The following R3HCC1L variants were observed in gnomAD, a reference collection of about 807,000 sequenced individuals.
R3HCC1L encodes the protein R3H domain and coiled-coil containing 1 like, also known as coiled-coil domain-containing protein R3HCC1L.
Under a neutral mutation model 59.9 loss-of-function variants are expected in R3HCC1L, and 51 were observed. The ratio of observed to expected loss-of-function variants is 0.85; its 90% CI spans 0.68 to 1.07. R3HCC1L has a LOEUF of 1.07. Ranked by LOEUF, R3HCC1L falls within the 50% of genes least tolerant of loss-of-function variation. The probability of loss-of-function intolerance (pLI) is 0.00; values close to 1 mark genes in which losing one functional copy is unlikely to be tolerated. For missense variants in R3HCC1L, 965 were observed against 933.0 expected, an observed-to-expected ratio of 1.03 and a Z score of -0.45; for synonymous variants, 322 against 315.2, an observed-to-expected ratio of 1.02 and a Z score of -0.23.
rs151127984 is a variant in R3HCC1L, at chr10:98,236,129, G to T, written c.2234G>T (p.Arg745Leu). Residue 745 changes from arginine (R) to leucine (L), a missense_variant, in exon 9 of 10, where the codon CGA becomes CTA. Transcript: ENST00000298999. Reference sequence around the variant, plus strand: ...CGAAGTAAGCAGAGCAAAACCGAACGAGAAGCAGAGCTCAAGAAACTGCAA... The same window carrying T: ...CGAAGTAAGCAGAGCAAAACCGAACTAGAAGCAGAGCTCAAGAAACTGCAA... ...GVRSKQSKTE[R>L]EAELKKLQEA... 3.1e-6 allele frequency: 5 copies of T among 1,613,738 alleles called. No individual in the cohort carries two copies. In the African/African-American group the frequency reaches 6.7e-5, roughly 22 times the overall value.
At position 98,222,026 on chromosome 10, in the gene R3HCC1L, C is replaced by T. The variant is rs192042180; in HGVS notation, c.1786-9486C>T. Among the ~76,000 whole-genome samples the T allele has an allele frequency of 3.5e-3, 532 of 152,272 alleles. 1 individual carries two copies. Among genetic ancestry groups the T allele is most frequent in the Non-Finnish European group, 6.0e-3 (409 of 68,026 alleles). On this transcript the variant is annotated intron_variant, in intron 5 of 9. Coordinates refer to ENST00000298999, the MANE Select transcript of R3HCC1L (RefSeq NM_001351015.2). ...CTACCCATGAGCATGGAATGTTCTT[C>T]CATTTGTTTGTATCCTTTTTTATTT... is the stretch of plus-strand genomic sequence containing the variant.
chr10:98,167,021 A>G (rs1027789534), intron 4 of R3HCC1L, among the ~76,000 whole-genome samples: 5 of 152,080 alleles, frequency 3.3e-5, no homozygotes, highest in African/African-American at 1.2e-4. Context: ...TGTGCACTTA[A>G]TAAGTATTTG....
intron 4 of R3HCC1L, among the ~76,000 whole-genome samples, chr10:98,165,842 G>A (rs898421623): frequency 3.3e-5 from 5 of 152,178 alleles, no homozygotes; most frequent in African/African-American, 9.7e-5. Context: ...AGTCATGAAG[G>A]TGGAGCCCTC....
At chr10:98,148,652 TTG>T (rs1203789021) in intron 1 of R3HCC1L, among the ~76,000 whole-genome samples, 2 of 152,232 alleles carry the variant, frequency 1.3e-5, no homozygotes, top group African/African-American at 4.8e-5. Flanking sequence ...ATAGGGTTTT[TTG>T]TTCTTGGTTC....
chr10:98,235,540 GT>G lies in R3HCC1L; in HGVS notation c.2128+27del, dbSNP rs768743558. 27 of 1,573,322 alleles carry G rather than the reference GT, an allele frequency of 1.7e-5. No homozygotes were observed. The Middle Eastern group carries it at 1.0e-3, about 59-fold the overall frequency. ...ATGCTGGTGAGTCTATAATCTCTGG[GT>G]TTTTTTCTTGCTGATGGTGGTATTA... On this transcript the variant is annotated intron_variant, in intron 8 of 9. Transcript: ENST00000298999.
intron 4 of R3HCC1L, among the ~76,000 whole-genome samples, chr10:98,188,185 T>C (rs1175480816): frequency 6.6e-6 from 1 of 152,184 alleles, no homozygotes; most frequent in Non-Finnish European, 1.5e-5. Context: ...TTAACAAACA[T>C]CTTATTGAAT....
rs1157685796 is a variant in R3HCC1L, at chr10:98,209,563, T to G, written c.1449T>G (p.Tyr483Ter). The G allele has an allele frequency of 6.2e-7, 1 of 1,613,944 alleles. No homozygotes were observed. The highest frequency in any genetic ancestry group is 8.5e-7 in the Non-Finnish European group (1 of 1,179,960). ...LPIKKIAGSNYNTFLDSELSM... is the reference protein window; with the variant it reads ...LPIKKIAGSN ...TAAAAAAGATTGCTGGTAGTAATTA[T>G]AACACTTTTTTGGACTCTGAACTCA... is the stretch of plus-strand genomic sequence containing the variant. Residue 483 changes from tyrosine (Y) to a stop codon, truncating the protein, a stop_gained, in exon 5 of 10, where the codon TAT (tyrosine) becomes TAG (stop). Coordinates refer to ENST00000298999, the MANE Select transcript of R3HCC1L (RefSeq NM_001351015.2). LOFTEE classifies it high-confidence loss of function.
intron 1 of R3HCC1L, among the ~76,000 whole-genome samples, chr10:98,149,921 C>T (rs1320161766): frequency 6.6e-6 from 1 of 152,146 alleles, no homozygotes; most frequent in Non-Finnish European, 1.5e-5. Context: ...GTGTTGAAGA[C>T]CCCTATTGTT....
In R3HCC1L at chr10:98,156,118, G is replaced by A. The variant is rs369715671; in HGVS notation, c.-242G>A. On this transcript the variant is annotated 5_prime_UTR_variant, in exon 2 of 10. Coordinates refer to ENST00000298999, the MANE Select transcript of R3HCC1L (RefSeq NM_001351015.2). ...AGACTTCCAGTGTCCTACTATTGAA[G>A]CCTGCACCTGCTGCATTGCTGTTTT... 7.9e-5 allele frequency: 12 copies of A among 151,142 alleles called. No individual in the cohort carries two copies. The East Asian group carries it at 1.4e-3, about 17-fold the overall frequency. The allele number at this position is 151,142 out of a possible 1,614,324, so 9.4% of individuals were successfully genotyped here.
At chr10:98,216,063 T>C (rs902761332) in intron 5 of R3HCC1L, among the ~76,000 whole-genome samples, 1 of 152,208 alleles carries the variant, frequency 6.6e-6, no homozygotes, top group African/African-American at 2.4e-5. Flanking sequence ...ATCAGAAGTT[T>C]AGATGATTTA....
At chr10:98,224,209 A>G (rs1423909477) in intron 5 of R3HCC1L, among the ~76,000 whole-genome samples, 1 of 151,812 alleles carries the variant, frequency 6.6e-6, no homozygotes, top group African/African-American at 2.4e-5. Flanking sequence ...GGTTCCCCTC[A>G]TGGTGTGTGT....
intron 3 of R3HCC1L, 58 bp downstream of exon 3, chr10:98,163,033 C>CT (rs1292984296): frequency 3.3e-4 from 56 of 170,682 alleles, no homozygotes; most frequent in East Asian, 7.6e-4. Context: ...TGTCTTATCT[C>CT]TTTTTTTTGT....
chr10:98,209,946 G>C, intron 5 of R3HCC1L, 47 bp downstream of exon 5: 1 of 1,443,216 alleles, frequency 6.9e-7, no homozygotes, highest in African/African-American at 1.4e-5. Flanking sequence ...TTATAAATTA[G>C]GATTTCAGTG....
intron 4 of R3HCC1L, among the ~76,000 whole-genome samples, chr10:98,176,389 G>T (rs781709643): frequency 8.5e-5 from 13 of 152,218 alleles, no homozygotes; most frequent in Admixed American, 2.0e-4. Flanking sequence ...TCTCATTTAT[G>T]ATCTTTCTTT....
In R3HCC1L at chr10:98,156,158, C is replaced by T. The variant is rs999518688; in HGVS notation, c.-213+11C>T. On this transcript the variant is annotated intron_variant, in intron 2 of 9. Transcript: ENST00000298999. ...ATTGCTGTTTTCCTGGTATGATTTC[C>T]ACTTGTTGTTATCCTTAGATTTTTC... The T allele has an allele frequency of 5.3e-5, 8 of 151,844 alleles. No individual in the cohort carries two copies. The highest frequency in any genetic ancestry group is 3.9e-4 in the Admixed American group (6 of 15,250). 9.4% of individuals were successfully genotyped at this position (151,844 alleles called of 1,614,324 possible).
chr10:98,236,375 G>A (rs17109122), intron 9 of R3HCC1L, among the ~76,000 whole-genome samples: 27 of 152,114 alleles, frequency 1.8e-4, no homozygotes, highest in Non-Finnish European at 3.4e-4. Context: ...TCTAATCCAC[G>A]CTCCTACTGT....
chr10:98,155,694 C>A (rs1433924225), intron 1 of R3HCC1L, among the ~76,000 whole-genome samples: 1 of 152,022 alleles, frequency 6.6e-6, no homozygotes, highest in Non-Finnish European at 1.5e-5. Flanking sequence ...CTCTCTAGTC[C>A]TCTCCCTAAA....
At chr10:98,240,247 G>C (rs1382475200) in intron 9 of R3HCC1L, among the ~76,000 whole-genome samples, 1 of 152,024 alleles carries the variant, frequency 6.6e-6, no homozygotes, top group South Asian at 2.1e-4. Context: ...CGGAGGTTGC[G>C]GTGAGCCGAG....
chr10:98,233,499 G>A (rs1433267961), intron 6 of R3HCC1L, among the ~76,000 whole-genome samples: 5 of 152,118 alleles, frequency 3.3e-5, no homozygotes, highest in Admixed American at 3.3e-4. Flanking sequence ...CCTTGTCATG[G>A]ATGATCTCAT....
Sources: gnomAD v4.1 joint callset for allele counts (sites outside exome capture counted in the v4.1 genomes callset) on GRCh38, gnomAD v4.1.1 for gene constraint, MANE v1.5 for transcripts, NCBI Gene and HGNC (gene_info 2026-07-23, HGNC 2026-07-21) for gene names.